Variants in MYO16 observed in about 807,000 individuals in gnomAD.
MYO16 encodes the protein myosin XVI, also known as unconventional myosin-XVI.
A neutral mutation model predicts 205.3 loss-of-function variants in MYO16; 94 were observed. That is an observed-to-expected ratio of 0.46 (90% CI 0.39 to 0.54). The LOEUF (loss-of-function observed/expected upper bound fraction) is 0.54, where lower values mean the gene tolerates loss of function less well. Ranked by LOEUF, MYO16 falls within the 20% of genes least tolerant of loss-of-function variation. The pLI is 0.00. For missense variants in MYO16, 2,315 were observed against 2,387.5 expected (o/e 0.97, Z 0.63); for synonymous variants, 988 against 954.0 (o/e 1.04, Z -0.66).
rs114927377 is a variant in MYO16 at position 109,127,557 on chromosome 13, C to T, written c.4051+7C>T. The T allele has an allele frequency of 2.1e-3, 3,326 of 1,607,594 alleles. 65 individuals carry two copies. The African/African-American group carries it at 0.037, about 18-fold the overall frequency. ...AGGGAAGCGGCCAACGAAGGTCAGC[C>T]CTGGGGAGGGACCCAGCCTCGTGTT... On this transcript the variant is annotated splice_region_variant and intron_variant, in intron 31 of 34. Coordinates refer to ENST00000457511, the MANE Select transcript of MYO16 (RefSeq NM_001198950.3). This position sits in a 1 kb window ranked among gnomAD's most constrained non-coding sequence, Gnocchi z 4.2.
At chr13:108,613,561 C>T (rs1382954853) in intron 1 of MYO16, among the ~76,000 whole-genome samples, 1 of 152,042 alleles carries the variant, frequency 6.6e-6, no homozygotes, top group Non-Finnish European at 1.5e-5. Flanking sequence ...TCCATAGAAA[C>T]TCCAGACAAA....
chr13:109,058,305 C>T (rs954781359), intron 27 of MYO16, among the ~76,000 whole-genome samples: 5 of 152,082 alleles, frequency 3.3e-5, no homozygotes, highest in African/African-American at 7.2e-5. Flanking sequence ...TCCAGCCTCA[C>T]CCCAGGTTCA....
chr13:109,065,363 G>T (rs982116136), intron 27 of MYO16, among the ~76,000 whole-genome samples: 1 of 151,748 alleles, frequency 6.6e-6, no homozygotes, highest in Non-Finnish European at 1.5e-5. Context: ...TGCAAGTGAT[G>T]GGAAAGAATA....
chr13:108,783,215 A>C lies in MYO16; in HGVS notation c.508-2420A>C, dbSNP rs570467385. Among the ~76,000 whole-genome samples the C allele has an allele frequency of 2.0e-5, 3 of 152,306 alleles. No individual in the cohort carries two copies. In the South Asian group the frequency reaches 6.2e-4, roughly 32 times the overall value. On this transcript the variant is annotated intron_variant, in intron 4 of 34. Transcript: ENST00000457511. ...GAGCTGCCCAAGACCATGGAAACCC[A>C]CATTTTAGATCAGCATGACCTGGAT...
At chr13:108,664,253 G>A (rs1222439910) in intron 1 of MYO16, among the ~76,000 whole-genome samples, 1 of 152,112 alleles carries the variant, frequency 6.6e-6, no homozygotes, top group Non-Finnish European at 1.5e-5. Context: ...CCCCCAACAT[G>A]GCTTCTTTTT....
intron 11 of MYO16, among the ~76,000 whole-genome samples, chr13:108,861,271 C>T (rs1878438371): frequency 6.6e-6 from 1 of 152,102 alleles, no homozygotes; most frequent in African/African-American, 2.4e-5. Context: ...TGTTTTTTAA[C>T]TTTATATAAA....
At chr13:109,024,590 A>C (rs79212387) in intron 23 of MYO16, among the ~76,000 whole-genome samples, 2,573 of 152,264 alleles carry the variant, frequency 0.017, 75 homozygotes, top group African/African-American at 0.059. Context: ...CTGAATTCTG[A>C]TAGAAATAAA....
At chr13:108,557,188 G>T in the MYO16 span, among the ~76,000 whole-genome samples, 5 of 151,892 alleles carry the variant, frequency 3.3e-5, no homozygotes, top group South Asian at 4.2e-4. Flanking sequence ...ATTTTGATAG[G>T]GATTGCATTG....
At chr13:108,851,291 G>A (rs1877848466) in intron 10 of MYO16, among the ~76,000 whole-genome samples, 1 of 152,078 alleles carries the variant, frequency 6.6e-6, no homozygotes, top group African/African-American at 2.4e-5. Context: ...ACATGCATAC[G>A]TGCATGCCTA....
intron 20 of MYO16, among the ~76,000 whole-genome samples, chr13:108,988,756 A>C (rs1046677534): frequency 2.0e-5 from 3 of 152,156 alleles, no homozygotes; most frequent in Non-Finnish European, 4.4e-5. Context: ...CCATGATTAT[A>C]GGGTCTCTTC....
chr13:108,551,021 T>C, the MYO16 span, among the ~76,000 whole-genome samples: 1 of 152,220 alleles, frequency 6.6e-6, no homozygotes, highest in East Asian at 1.9e-4. Context: ...CCTTTGTTTT[T>C]ATGATACCGA....
At chr13:108,500,222 T>G in the MYO16 span, among the ~76,000 whole-genome samples, 2 of 12,000 alleles carry the variant, frequency 1.7e-4, 1 homozygote, top group African/African-American at 4.4e-4. Context: ...TTTTTTTTTG[T>G]TTTTTTTTTG....
In MYO16 at chr13:108,991,960, G is replaced by A. The variant is rs1330508438; in HGVS notation, c.2370-416G>A. Among the ~76,000 whole-genome samples the A allele has an allele frequency of 3.3e-5, 5 of 152,158 alleles. No homozygotes were observed. The East Asian group carries it at 7.7e-4, about 23-fold the overall frequency. On this transcript the variant is annotated intron_variant, in intron 20 of 34. Transcript: ENST00000457511. ...AAAATTTTTAAGTTTAAGGGTGCAT[G>A]TACAGGTTTGTTACATAGGTAAACT...
chr13:108,727,288 G>T, intron 3 of MYO16, 152 bp from the exon 4 acceptor site: 1 of 694,102 alleles, frequency 1.4e-6, no homozygotes, highest in South Asian at 2.1e-5. Flanking sequence ...TTCCTTGTTG[G>T]TTAGTTGGGG....
chr13:109,184,709 G>A (rs1261442671), intron 34 of MYO16, among the ~76,000 whole-genome samples: 1 of 151,964 alleles, frequency 6.6e-6, no homozygotes, highest in Admixed American at 6.6e-5. Context: ...TGATTCTTCT[G>A]CCTCAGCCTC....
In MYO16 at chr13:109,164,864, A is replaced by G. The variant is rs565212501; in HGVS notation, c.5165-37A>G. On this transcript the variant is annotated intron_variant, in intron 32 of 34. Coordinates refer to ENST00000457511, the MANE Select transcript of MYO16 (RefSeq NM_001198950.3). Reference sequence around the variant, plus strand: ...TTATTCAGTATATTCAGTACATGTTATCAGAAAATAATTATGTTTTCTAAA... The same window carrying G: ...TTATTCAGTATATTCAGTACATGTTGTCAGAAAATAATTATGTTTTCTAAA... 6.1e-6 allele frequency: 8 copies of G among 1,319,518 alleles called. No individual in the cohort carries two copies. The South Asian group carries it at 1.1e-4, about 18-fold the overall frequency. The allele number at this position is 1,319,518 out of a possible 1,614,324, so 81.7% of individuals were successfully genotyped here.
chr13:108,944,567 C>G (rs1231523901), intron 16 of MYO16, among the ~76,000 whole-genome samples: 1 of 151,992 alleles, frequency 6.6e-6, no homozygotes, highest in Non-Finnish European at 1.5e-5. Context: ...TTGTTGTTAA[C>G]TGTTTGAAGT....
chr13:109,121,664 A>G (rs964975546), intron 29 of MYO16, among the ~76,000 whole-genome samples: 1 of 152,192 alleles, frequency 6.6e-6, no homozygotes, highest in African/African-American at 2.4e-5. Flanking sequence ...CTGTGTTTCC[A>G]TGCAGGGGCC....
intron 32 of MYO16, among the ~76,000 whole-genome samples, chr13:109,151,515 G>T (rs747701007): frequency 1.3e-5 from 2 of 152,152 alleles, no homozygotes; most frequent in Non-Finnish European, 2.9e-5. Context: ...AACACTGACT[G>T]CGAGAGACAC....
Sources: gnomAD v4.1 joint callset for allele counts (sites outside exome capture counted in the v4.1 genomes callset) on GRCh38, gnomAD v4.1.1 for gene constraint, Gnocchi (gnomAD v3.1) non-coding constraint, MANE v1.5 for transcripts, NCBI Gene and HGNC (gene_info 2026-07-23, HGNC 2026-07-21) for gene names.